The following PTK2 variants were observed in gnomAD, a reference collection of about 807,000 sequenced individuals.
PTK2 encodes the protein focal adhesion kinase 1.
A neutral mutation model predicts 150.1 loss-of-function variants in PTK2; 45 were observed. That is an observed-to-expected ratio of 0.30 (90% CI 0.24 to 0.38). PTK2 has a LOEUF of 0.38. PTK2 is among the 10% of genes least tolerant of loss of function. The probability of loss-of-function intolerance (pLI) is 1.00; values close to 1 mark genes in which losing one functional copy is unlikely to be tolerated. For missense variants in PTK2, 919 were observed against 1,307.3 expected (o/e 0.70, Z 4.58); for synonymous variants, 432 against 449.2 (o/e 0.96, Z 0.48).
intron 2 of PTK2, among the ~76,000 whole-genome samples, chr8:140,905,591 C>G (rs2100160555): frequency 6.6e-6 from 1 of 152,102 alleles, no homozygotes; most frequent in Non-Finnish European, 1.5e-5. Flanking sequence ...CTTTAACACC[C>G]CACTGTCAAT....
intron 14 of PTK2, 61 bp downstream of exon 14, chr8:140,789,413 A>G (rs201960939): frequency 7.5e-5 from 112 of 1,487,950 alleles, no homozygotes; most frequent in Non-Finnish European, 9.6e-5. Flanking sequence ...AAAAATAGAC[A>G]TCTATGATCG....
chr8:140,940,007 C>T (rs145876748), intron 1 of PTK2, among the ~76,000 whole-genome samples: 17 of 152,242 alleles, frequency 1.1e-4, no homozygotes, highest in Admixed American at 2.6e-4. Context: ...GCCTGGCCCA[C>T]GGAAGGCACT....
chr8:140,873,392 G>A (rs935044010), intron 4 of PTK2, among the ~76,000 whole-genome samples: 6 of 152,132 alleles, frequency 3.9e-5, no homozygotes, highest in African/African-American at 1.4e-4. Context: ...TATGTTAATT[G>A]GCCAAACTTA....
chr8:140,937,316 GCTGTGGTTTTAAGTATTTCCA>G (rs1289612684), intron 1 of PTK2, among the ~76,000 whole-genome samples: 1 of 152,002 alleles, frequency 6.6e-6, no homozygotes, highest in Non-Finnish European at 1.5e-5. Context: ...ATTTACTTCA[GCTGTGGTTTTAAGTATTTCCA>G]CACCTGATTT....
intron 1 of PTK2, among the ~76,000 whole-genome samples, chr8:140,981,661 A>G (rs748226705): frequency 5.3e-5 from 8 of 152,364 alleles, no homozygotes; most frequent in Non-Finnish European, 8.8e-5. Flanking sequence ...TGAAAATTAT[A>G]GAAAATTCAG....
exon 24 of PTK2, chr8:140,706,176 C>T (rs747026512): frequency 1.9e-6 from 3 of 1,613,548 alleles, no homozygotes; most frequent in Non-Finnish European, 2.5e-6. Flanking sequence ...CTTCGCTGGA[C>T]CTCGGACTGG....
rs538560153 is a variant in PTK2 at position 140,719,127 on chromosome 8, G to A, written c.2031-1418C>T. Among the ~76,000 whole-genome samples the A allele has an allele frequency of 4.6e-5, 7 of 152,124 alleles. No individual in the cohort carries two copies. In the South Asian group the frequency reaches 1.5e-3, roughly 32 times the overall value. ...GGAGGCGGAGGTTGGGGTGAGCTGA[G>A]ATCACGCCACTGTACTCCAGCCTGG... is the stretch of plus-strand genomic sequence containing the variant. On this transcript the variant is annotated intron_variant, in intron 22 of 31. Transcript: ENST00000522684.
intron 29 of PTK2, among the ~76,000 whole-genome samples, chr8:140,672,391 A>G (rs930357907): frequency 6.6e-6 from 1 of 152,030 alleles, no homozygotes; most frequent in Non-Finnish European, 1.5e-5. Context: ...TCCTTCCTCA[A>G]TTTTCCTTGG....
At chr8:140,717,122 C>A (rs566794673) in intron 23 of PTK2, among the ~76,000 whole-genome samples, 6 of 152,322 alleles carry the variant, frequency 3.9e-5, no homozygotes, top group South Asian at 4.1e-4. Flanking sequence ...CAACAAACAA[C>A]CCAGCCACCA....
intron 5 of PTK2, among the ~76,000 whole-genome samples, chr8:140,852,629 A>AG (rs2100130018): frequency 6.6e-6 from 1 of 152,264 alleles, no homozygotes; most frequent in South Asian, 2.1e-4. Flanking sequence ...TTGTATGTAA[A>AG]TTATACCTCA....
At chr8:140,737,892 G>A (rs2100053510) in intron 21 of PTK2, among the ~76,000 whole-genome samples, 1 of 152,052 alleles carries the variant, frequency 6.6e-6, no homozygotes, top group African/African-American at 2.4e-5. Flanking sequence ...CACATCAACT[G>A]GACTTCAGAG....
intron 18 of PTK2, among the ~76,000 whole-genome samples, chr8:140,746,186 G>T (rs1347227093): frequency 1.3e-5 from 2 of 151,956 alleles, no homozygotes; most frequent in Non-Finnish European, 2.9e-5. Context: ...TAAAAAATTA[G>T]TCAGGCATGG....
chr8:140,678,498 T>C (rs1163001129), intron 27 of PTK2, among the ~76,000 whole-genome samples: 1 of 151,982 alleles, frequency 6.6e-6, no homozygotes, highest in Non-Finnish European at 1.5e-5. Flanking sequence ...GGACCACAGG[T>C]GCATGCCATC....
rs561449239 is a variant in PTK2, at chr8:140,928,099, G to C, written c.-121-2350C>G. On this transcript the variant is annotated intron_variant, in intron 1 of 31. Transcript: ENST00000522684. Reference sequence around the variant, plus strand: ...ACAGCTTTTCTTCTTTCCAAACGGAGCTACATAGTAGTTGGCCTTTTTTGT... The same window carrying C: ...ACAGCTTTTCTTCTTTCCAAACGGACCTACATAGTAGTTGGCCTTTTTTGT... Among the ~76,000 whole-genome samples, 53 of 150,540 alleles carry C rather than the reference G, an allele frequency of 3.5e-4. No individual in the cohort carries two copies. In the South Asian group the frequency reaches 7.1e-3, roughly 20 times the overall value.
chr8:140,915,724 C>T (rs570043587), intron 2 of PTK2, among the ~76,000 whole-genome samples: 16 of 151,804 alleles, frequency 1.1e-4, no homozygotes, highest in Non-Finnish European at 2.2e-4. Flanking sequence ...TGATAAAACC[C>T]GTCTCTACTA....
chr8:140,929,208 G>A (rs898224974), intron 1 of PTK2, among the ~76,000 whole-genome samples: 124 of 151,422 alleles, frequency 8.2e-4, no homozygotes, highest in African/African-American at 2.1e-3. Flanking sequence ...CTCGTGATCC[G>A]CCCGCCTCGG....
chr8:140,839,686 AAG>A (rs2100121130), intron 7 of PTK2, among the ~76,000 whole-genome samples: 1 of 152,186 alleles, frequency 6.6e-6, no homozygotes, highest in African/African-American at 2.4e-5. Flanking sequence ...TCCCCCAAAA[AAG>A]AGAGAATCCA....
At chr8:140,896,788 C>CGGG (rs60747008) in intron 2 of PTK2, among the ~76,000 whole-genome samples, 4,810 of 66,864 alleles carry the variant, frequency 0.072, 637 homozygotes, top group East Asian at 0.2. Flanking sequence ...CCCAAAAAAA[C>CGGG]GGGGGGGGGG....
intron 7 of PTK2, among the ~76,000 whole-genome samples, chr8:140,839,372 A>G (rs2100120902): frequency 6.6e-6 from 1 of 152,226 alleles, no homozygotes; most frequent in Non-Finnish European, 1.5e-5. Flanking sequence ...AATCCAAGCC[A>G]CTTTGGTGGC....
Sources: gnomAD v4.1 joint callset for allele counts (sites outside exome capture counted in the v4.1 genomes callset) on GRCh38, gnomAD v4.1.1 for gene constraint, MANE v1.5 for transcripts, NCBI Gene and HGNC (gene_info 2026-07-23, HGNC 2026-07-21) for gene names.